IL1RAPL1: variants seen among roughly 807,000 people sequenced by gnomAD.
The protein encoded by IL1RAPL1 is interleukin-1 receptor accessory protein-like 1.
In IL1RAPL1, 3 loss-of-function variants were observed where a neutral mutation model predicts 48.4. That is an observed-to-expected ratio of 0.06 (90% CI 0.03 to 0.16). IL1RAPL1 has a LOEUF of 0.16. Ranked by LOEUF, IL1RAPL1 falls within the 10% of genes least tolerant of loss-of-function variation. IL1RAPL1 has a pLI of 1.00. For synonymous variants in IL1RAPL1, 185 were observed against 187.7 expected, an observed-to-expected ratio of 0.99 and a Z score of 0.12; for missense variants, 349 against 530.6, an observed-to-expected ratio of 0.66 and a Z score of 3.36.
chrX:29,409,843 A>G (rs1602221669), intron 5 of IL1RAPL1, among the ~76,000 whole-genome samples: 2 of 74,087 alleles, frequency 2.7e-5, no homozygotes, highest in Non-Finnish European at 5.1e-5. Context: ...TTTTTTTGAG[A>G]TGGAGTTTCA....
intron 5 of IL1RAPL1, among the ~76,000 whole-genome samples, chrX:29,569,406 TC>T (rs945118208): frequency 2.7e-5 from 3 of 111,202 alleles, no homozygotes; most frequent in African/African-American, 9.8e-5. Flanking sequence ...CATGATTCAT[TC>T]AGGGTATATT....
At chrX:29,163,734 A>T (rs1456789807) in intron 2 of IL1RAPL1, among the ~76,000 whole-genome samples, 1 of 111,658 alleles carries the variant, frequency 9.0e-6, no homozygotes, top group African/African-American at 3.3e-5. Context: ...GACTAGAGAA[A>T]CTAATGAGAA....
chrX:29,551,726 A>AT (rs1207374297), intron 5 of IL1RAPL1, among the ~76,000 whole-genome samples: 1 of 110,933 alleles, frequency 9.0e-6, no homozygotes, highest in Non-Finnish European at 1.9e-5. Context: ...ACCCCACAAT[A>AT]TGGCACTTTG....
chrX:28,803,944 A>T (rs1484246346), intron 2 of IL1RAPL1, among the ~76,000 whole-genome samples: 1 of 112,569 alleles, frequency 8.9e-6, no homozygotes, highest in Non-Finnish European at 1.9e-5. Context: ...GGAAAATTTT[A>T]TTAATAGAAA....
chrX:29,100,162 A>C (rs779887032), intron 2 of IL1RAPL1, among the ~76,000 whole-genome samples: 15 of 111,715 alleles, frequency 1.3e-4, no homozygotes, highest in Admixed American at 2.9e-4. Flanking sequence ...CAGTGAGCCA[A>C]GATCGTGCCA....
At chrX:28,936,537 A>G (rs745620075) in intron 2 of IL1RAPL1, among the ~76,000 whole-genome samples, 6 of 110,258 alleles carry the variant, frequency 5.4e-5, no homozygotes, top group South Asian at 7.9e-4. Flanking sequence ...GTGTACTGTA[A>G]TGATATAATA....
chrX:29,305,402 G>T (rs1442968573), intron 3 of IL1RAPL1, among the ~76,000 whole-genome samples: 1 of 111,986 alleles, frequency 8.9e-6, no homozygotes, highest in Admixed American at 9.5e-5. Context: ...GTTATGATGG[G>T]TTATCCTTAT....
chrX:28,766,470 A>G (rs1159723507), intron 1 of IL1RAPL1, among the ~76,000 whole-genome samples: 2 of 111,388 alleles, frequency 1.8e-5, no homozygotes, highest in African/African-American at 6.5e-5. Flanking sequence ...ACAGACATGC[A>G]ATGTGAAATA....
At chrX:29,276,483 CAG>C (rs1261732831) in intron 2 of IL1RAPL1, among the ~76,000 whole-genome samples, 3 of 110,297 alleles carry the variant, frequency 2.7e-5, no homozygotes, top group Non-Finnish European at 5.7e-5. Flanking sequence ...TTTTAATTAT[CAG>C]GGTTAAAAAT....
intron 8 of IL1RAPL1, among the ~76,000 whole-genome samples, chrX:29,928,526 T>C: frequency 8.9e-6 from 1 of 112,239 alleles, no homozygotes. Context: ...AGATAATTCA[T>C]ATAATGCTGT....
At position 29,106,812 on chromosome X, in the gene IL1RAPL1, A is replaced by G. The variant is rs1928456995; in HGVS notation, c.83-176126A>G. Among the ~76,000 whole-genome samples the G allele has an allele frequency of 2.7e-5, 3 of 111,126 alleles. No individual in the cohort carries two copies. The South Asian group carries it at 1.1e-3, about 41-fold the overall frequency. On this transcript the variant is annotated intron_variant, in intron 2 of 10. Coordinates refer to ENST00000378993, the MANE Select transcript of IL1RAPL1 (RefSeq NM_014271.4). The stretch of plus-strand genomic sequence containing the variant: ...CAGTAATAATTGATACTTTGTACAG[A>G]TTTTTTTATTTTATATTTTCTTGTT...
chrX:29,606,864 A>G (rs143712593), intron 5 of IL1RAPL1, among the ~76,000 whole-genome samples: 1,138 of 111,413 alleles, frequency 0.01, 22 homozygotes, highest in African/African-American at 0.035. Context: ...ACATTGTATG[A>G]CACCCCTTTA....
At chrX:28,977,920 G>A (rs1408441288) in intron 2 of IL1RAPL1, among the ~76,000 whole-genome samples, 1 of 111,928 alleles carries the variant, frequency 8.9e-6, no homozygotes, top group African/African-American at 3.2e-5. Context: ...CCGAGGTCAC[G>A]CCATTGCACT....
chrX:29,179,188 G>T (rs1930093240), intron 2 of IL1RAPL1, among the ~76,000 whole-genome samples: 1 of 111,055 alleles, frequency 9.0e-6, no homozygotes, highest in African/African-American at 3.3e-5. Context: ...ACCTTGGGCA[G>T]TATGGCCATT....
intron 2 of IL1RAPL1, among the ~76,000 whole-genome samples, chrX:28,843,770 A>G (rs890553928): frequency 3.6e-5 from 4 of 111,458 alleles, no homozygotes; most frequent in Non-Finnish European, 7.6e-5. Context: ...AGAAACAAAA[A>G]CCTTAACTTT....
At chrX:29,408,844 T>G (rs186097556) in intron 5 of IL1RAPL1, among the ~76,000 whole-genome samples, 153 of 112,016 alleles carry the variant, frequency 1.4e-3, no homozygotes, top group African/African-American at 4.7e-3. Context: ...TTTAATTCCC[T>G]GAACCTCAGT....
chrX:29,134,808 G>A (rs776210836), intron 2 of IL1RAPL1, among the ~76,000 whole-genome samples: 17 of 111,004 alleles, frequency 1.5e-4, no homozygotes, highest in Non-Finnish European at 2.5e-4. Context: ...TATTGTTATA[G>A]AGAATGTCAA....
chrX:29,088,946 T>C (rs1427775371), intron 2 of IL1RAPL1, among the ~76,000 whole-genome samples: 1 of 111,580 alleles, frequency 9.0e-6, no homozygotes, highest in Non-Finnish European at 1.9e-5. Flanking sequence ...CTTAACCATG[T>C]CATGCTTCAG....
chrX:28,758,713 A>G (rs1253584306), intron 1 of IL1RAPL1, among the ~76,000 whole-genome samples: 2 of 111,769 alleles, frequency 1.8e-5, no homozygotes, highest in Admixed American at 9.5e-5. Flanking sequence ...GGTAAAACCT[A>G]TTCTTTTTTT....
Sources: gnomAD v4.1 joint callset for allele counts (sites outside exome capture counted in the v4.1 genomes callset) on GRCh38, gnomAD v4.1.1 for gene constraint, MANE v1.5 for transcripts, NCBI Gene and HGNC (gene_info 2026-07-23, HGNC 2026-07-21) for gene names.